The following ELMOD1 variants were observed in gnomAD, a reference collection of about 807,000 sequenced individuals.
ELMOD1 encodes ELMO domain containing 1, also known as ELMO domain-containing protein 1.
Under a neutral mutation model 46.7 loss-of-function variants are expected in ELMOD1, and 21 were observed. That is an observed-to-expected ratio of 0.45 (90% CI 0.32 to 0.65). ELMOD1 has a LOEUF of 0.65. Ranked by LOEUF, ELMOD1 falls within the 30% of genes least tolerant of loss-of-function variation. ELMOD1 has a pLI of 0.04. For synonymous variants in ELMOD1, 122 were observed against 138.2 expected, an observed-to-expected ratio of 0.88 and a Z score of 0.82; for missense variants, 348 against 407.8, an observed-to-expected ratio of 0.85 and a Z score of 1.26.
At chr11:107,664,814 T>C (rs895326356) in intron 11 of ELMOD1, among the ~76,000 whole-genome samples, 5 of 152,086 alleles carry the variant, frequency 3.3e-5, no homozygotes, top group Non-Finnish European at 5.9e-5. Flanking sequence ...CCAGGGCCAA[T>C]TGCAAAAAGC....
chr11:107,627,230 G>A (rs1238039653), intron 2 of ELMOD1, among the ~76,000 whole-genome samples: 1 of 152,168 alleles, frequency 6.6e-6, no homozygotes, highest in Non-Finnish European at 1.5e-5. Context: ...ATATATCTTG[G>A]ATAATAAGTA....
intron 6 of ELMOD1, among the ~76,000 whole-genome samples, chr11:107,636,539 C>T (rs1454814314): frequency 3.9e-5 from 6 of 152,184 alleles, no homozygotes; most frequent in African/African-American, 9.7e-5. Flanking sequence ...CCTGCCTTTT[C>T]CTAGAATTCA....
intron 2 of ELMOD1, among the ~76,000 whole-genome samples, chr11:107,628,630 A>G (rs1866085327): frequency 6.6e-6 from 1 of 151,768 alleles, no homozygotes; most frequent in Admixed American, 6.6e-5. Context: ...GAACAGTTGA[A>G]TGAACAGTAA....
intron 9 of ELMOD1, chr11:107,653,896 T>C: frequency 2.6e-6 from 1 of 385,006 alleles, no homozygotes; most frequent in Non-Finnish European, 4.8e-6. Context: ...AGGAGGGGTT[T>C]GATCATTAAT....
At chr11:107,604,534 C>A (rs1174008726) in intron 1 of ELMOD1, among the ~76,000 whole-genome samples, 1 of 152,094 alleles carries the variant, frequency 6.6e-6, no homozygotes. Context: ...TTCATTGATT[C>A]TAAGATACTT....
chr11:107,645,139 G>A (rs747303359), intron 6 of ELMOD1, among the ~76,000 whole-genome samples: 56 of 129,438 alleles, frequency 4.3e-4, no homozygotes, highest in Middle Eastern at 9.9e-3. Context: ...GAGTTTCACC[G>A]CGTTAACCAG....
At chr11:107,620,772 G>A (rs1267012614) in intron 2 of ELMOD1, among the ~76,000 whole-genome samples, 3 of 152,238 alleles carry the variant, frequency 2.0e-5, no homozygotes, top group Non-Finnish European at 2.9e-5. Flanking sequence ...GCTGAGGCAG[G>A]AGAATCGCTT....
chr11:107,606,925 A>T (rs963782461), intron 1 of ELMOD1, among the ~76,000 whole-genome samples: 4 of 152,234 alleles, frequency 2.6e-5, no homozygotes. Flanking sequence ...GTCTCACCAC[A>T]AAAAATGTAA....
intron 2 of ELMOD1, among the ~76,000 whole-genome samples, chr11:107,628,605 G>C (rs114405249): frequency 2.1e-3 from 322 of 151,178 alleles, no homozygotes; most frequent in African/African-American, 7.5e-3. Context: ...ACAGATCTTA[G>C]GATATATTTG....
chr11:107,617,929 A>G (rs1459689483), intron 1 of ELMOD1, among the ~76,000 whole-genome samples, 176 bp from the exon 2 acceptor site: 2 of 152,222 alleles, frequency 1.3e-5, no homozygotes, highest in African/African-American at 4.8e-5. Context: ...TTGTATTAAT[A>G]TAAAGTCTAT....
rs771786761 is a variant in ELMOD1 at position 107,635,739 on chromosome 11, C to T, written c.394C>T (p.Pro132Ser). ...LRREAYDSDN[P>S]QHEEMLLKLW... is the part of the protein sequence containing the mutation. Reference sequence around the variant, plus strand: ...TAGAGAGGCCTATGATTCTGATAATCCCCAACATGAAGAAATGCTTTTGAA... The same window carrying T: ...TAGAGAGGCCTATGATTCTGATAATTCCCAACATGAAGAAATGCTTTTGAA... Residue 132 changes from proline (P) to serine (S), a missense_variant, in exon 6 of 12, where the codon CCC becomes TCC. Coordinates refer to ENST00000265840, the MANE Select transcript of ELMOD1 (RefSeq NM_018712.4). The T allele has an allele frequency of 4.3e-6, 7 of 1,613,832 alleles. No homozygotes were observed. The South Asian group carries it at 7.7e-5, about 18-fold the overall frequency.
chr11:107,600,556 T>C (rs1012857895), intron 1 of ELMOD1: 1 of 152,348 alleles, frequency 6.6e-6, no homozygotes, highest in Non-Finnish European at 1.5e-5. Context: ...TTCAATGCGG[T>C]GTTCAGAAAA....
At chr11:107,664,854 A>G (rs1002518799) in intron 11 of ELMOD1, among the ~76,000 whole-genome samples, 171 bp from the exon 12 acceptor site, 1 of 152,164 alleles carries the variant, frequency 6.6e-6, no homozygotes. Context: ...AACTGCACTG[A>G]TTTTAAAGAA....
At chr11:107,633,667 G>A (rs1591122636) in intron 5 of ELMOD1, among the ~76,000 whole-genome samples, 1 of 152,062 alleles carries the variant, frequency 6.6e-6, no homozygotes, top group East Asian at 1.9e-4. Context: ...CCCTGACCTC[G>A]TGATCTGCCC....
At chr11:107,615,985 CTTTTTTTTTTTTTTT>C (rs57135460) in intron 1 of ELMOD1, among the ~76,000 whole-genome samples, 9 of 74,050 alleles carry the variant, frequency 1.2e-4, no homozygotes, top group Admixed American at 3.7e-4. Flanking sequence ...CAGGTTTTTC[CTTTTTTTTTTTTTTT>C]TTTTTTTTTT....
chr11:107,592,343 G>A (rs368718719), intron 1 of ELMOD1: 20 of 533,836 alleles, frequency 3.7e-5, no homozygotes, highest in African/African-American at 3.1e-4. Flanking sequence ...CTAACCCCCA[G>A]TGGGCCGTAG....
intron 1 of ELMOD1, among the ~76,000 whole-genome samples, chr11:107,594,478 G>A (rs1348834632): frequency 1.3e-5 from 2 of 152,102 alleles, no homozygotes; most frequent in Non-Finnish European, 2.9e-5. Flanking sequence ...TTAGCAAATG[G>A]TACTTCGGTG....
At chr11:107,646,834 G>T (rs1866434675) in intron 6 of ELMOD1, among the ~76,000 whole-genome samples, 1 of 151,010 alleles carries the variant, frequency 6.6e-6, no homozygotes. Flanking sequence ...CATTTTCCCA[G>T]AATCTGAATA....
chr11:107,622,024 T>C (rs1865958767), intron 2 of ELMOD1, among the ~76,000 whole-genome samples: 1 of 152,078 alleles, frequency 6.6e-6, no homozygotes, highest in Non-Finnish European at 1.5e-5. Flanking sequence ...CAAAACTCCA[T>C]CTCAAAAATA....
Sources: gnomAD v4.1 joint callset for allele counts (sites outside exome capture counted in the v4.1 genomes callset) on GRCh38, gnomAD v4.1.1 for gene constraint, MANE v1.5 for transcripts, NCBI Gene and HGNC (gene_info 2026-07-23, HGNC 2026-07-21) for gene names.